The following COL23A1 variants were observed in gnomAD, a reference collection of about 807,000 sequenced individuals.
COL23A1 encodes the protein collagen alpha-1(XXIII) chain.
COL23A1 carries 97 observed loss-of-function variants against 99.3 expected under a neutral mutation model. The ratio of observed to expected loss-of-function variants is 0.98; its 90% CI spans 0.83 to 1.16. The LOEUF is 1.16. COL23A1 is among the 50% of genes most tolerant of loss of function. The probability of loss-of-function intolerance (pLI) is 0.00; values close to 1 mark genes in which losing one functional copy is unlikely to be tolerated. For synonymous variants in COL23A1, 320 were observed against 308.2 expected (o/e 1.04, Z -0.40); for missense variants, 762 against 757.4 (o/e 1.01, Z -0.07).
chr5:178,447,109 T>C (rs923035387), intron 2 of COL23A1, among the ~76,000 whole-genome samples: 4 of 149,186 alleles, frequency 2.7e-5, no homozygotes, highest in Admixed American at 6.6e-5. Flanking sequence ...TTTTTTTTTT[T>C]CTGAGATGGA....
intron 2 of COL23A1, among the ~76,000 whole-genome samples, chr5:178,427,807 G>T (rs548732509): frequency 1.4e-4 from 21 of 152,276 alleles, no homozygotes; most frequent in African/African-American, 4.6e-4. Flanking sequence ...CTGGGGGAGG[G>T]AGGGATGAAT....
chr5:178,268,904 G>T, intron 6 of COL23A1, 148 bp from the exon 7 acceptor site: 1 of 718,688 alleles, frequency 1.4e-6, no homozygotes, highest in East Asian at 2.9e-5. Context: ...AGCCCTCAAT[G>T]AGAGCTGCCC....
rs142236898 is a variant in COL23A1, at chr5:178,366,574, C to T, written c.362-59655G>A. On this transcript the variant is annotated intron_variant, in intron 2 of 28. Transcript: ENST00000390654. This position sits in a 1 kb window ranked among gnomAD's most constrained non-coding sequence, Gnocchi z 4.4. ...GAGTGCTTTCAGATCACCCGCCCTG[C>T]GAAAATGTGTCGGTGATCACTGTGA... Among the ~76,000 whole-genome samples, 147 of 152,286 alleles carry T rather than the reference C, an allele frequency of 9.7e-4. No individual in the cohort carries two copies. Among genetic ancestry groups the T allele is most frequent in the African/African-American group, 3.4e-3 (140 of 41,564 alleles).
intron 2 of COL23A1, among the ~76,000 whole-genome samples, chr5:178,552,649 C>G (rs1762056090): frequency 6.7e-6 from 1 of 150,358 alleles, no homozygotes; most frequent in African/African-American, 2.4e-5. Context: ...CTTTTGAAAG[C>G]AGGAGTTCGA....
chr5:178,407,107 A>T (rs193124072), intron 2 of COL23A1, among the ~76,000 whole-genome samples: 1 of 152,352 alleles, frequency 6.6e-6, no homozygotes, highest in African/African-American at 2.4e-5. Flanking sequence ...TAACTCAGAA[A>T]CACCCACAGT....
chr5:178,364,321 A>G (rs1352522191), intron 2 of COL23A1, among the ~76,000 whole-genome samples: 1 of 144,842 alleles, frequency 6.9e-6, no homozygotes, highest in Non-Finnish European at 1.5e-5. Flanking sequence ...CTTCCTCCTG[A>G]TATCTGCTTG....
At chr5:178,448,854 A>T (rs1433649218) in intron 2 of COL23A1, among the ~76,000 whole-genome samples, 1 of 151,996 alleles carries the variant, frequency 6.6e-6, no homozygotes, top group African/African-American at 2.4e-5. Flanking sequence ...AGAAACACTG[A>T]ATCTGCTTGC....
At chr5:178,383,352 C>G (rs1202879469) in intron 2 of COL23A1, among the ~76,000 whole-genome samples, 1 of 152,222 alleles carries the variant, frequency 6.6e-6, no homozygotes, top group Non-Finnish European at 1.5e-5. Flanking sequence ...GACAAGGGCC[C>G]AGCCCTGACC....
Position 178,560,683 on chromosome 5 carries a change from TG to T in COL23A1, c.359del (p.Pro120GlnfsTer189). ...GAAGGGAGCTCAACCTTCACTTACC[TG>T]GGGGGCAGACACATTCGGATGGAGC... ...REAPSECVCP[P>X]GPPGRRGKPG... On this transcript the variant is annotated frameshift_variant and splice_region_variant, in exon 2 of 29. Coordinates refer to ENST00000390654, the MANE Select transcript of COL23A1 (RefSeq NM_173465.4). LOFTEE classifies it high-confidence loss of function. The T allele has an allele frequency of 6.2e-7, 1 of 1,610,870 alleles. No individual in the cohort carries two copies. Among genetic ancestry groups the T allele is most frequent in the South Asian group, 1.1e-5 (1 of 90,562 alleles).
intron 3 of COL23A1, 54 bp from the exon 4 acceptor site, chr5:178,290,423 GCCTGTCCTCAGCACGGTCCCCTCA>G (rs374046467): frequency 1.8e-5 from 29 of 1,612,504 alleles, no homozygotes; most frequent in African/African-American, 6.7e-5. Flanking sequence ...GAGTCCCCTC[GCCTGTCCTCAGCACGGTCCCCTCA>G]CCTGTCCTCA....
intron 3 of COL23A1, among the ~76,000 whole-genome samples, chr5:178,296,622 G>A (rs1003486061): frequency 6.6e-6 from 1 of 151,850 alleles, no homozygotes; most frequent in African/African-American, 2.4e-5. Context: ...AGAGGTCCCC[G>A]GGAGGGTGTG....
At chr5:178,372,912 TTC>T (rs1762874695) in intron 2 of COL23A1, among the ~76,000 whole-genome samples, 1 of 59,592 alleles carries the variant, frequency 1.7e-5, no homozygotes, top group African/African-American at 1.2e-4. Flanking sequence ...TTCTTTTTCT[TTC>T]TTTCTCTTTT....
chr5:178,324,020 G>A (rs756005295), intron 2 of COL23A1, among the ~76,000 whole-genome samples: 1 of 152,122 alleles, frequency 6.6e-6, no homozygotes, highest in Non-Finnish European at 1.5e-5. Flanking sequence ...ACGGCCTGGG[G>A]TCTCTCCATC....
At chr5:178,276,999 C>A (rs73342827) in intron 5 of COL23A1, among the ~76,000 whole-genome samples, 1,767 of 152,302 alleles carry the variant, frequency 0.012, 35 homozygotes, top group African/African-American at 0.041. Context: ...CTCTGTGCTG[C>A]TCATCTGTAG....
chr5:178,504,642 G>A (rs1758762659), intron 2 of COL23A1, among the ~76,000 whole-genome samples: 1 of 152,172 alleles, frequency 6.6e-6, no homozygotes, highest in Non-Finnish European at 1.5e-5. Flanking sequence ...AGGTCCTAGA[G>A]CAAAGGTCAG....
chr5:178,334,225 T>C (rs1760195764), intron 2 of COL23A1, among the ~76,000 whole-genome samples: 2 of 152,192 alleles, frequency 1.3e-5, no homozygotes, highest in African/African-American at 2.4e-5. Flanking sequence ...CTCACGTTTA[T>C]TAAACTCCCA....
At position 178,434,598 on chromosome 5, in the gene COL23A1, GGGC is replaced by G. The variant is rs1457834856; in HGVS notation, c.361+126081_361+126083del. Among the ~76,000 whole-genome samples the G allele has an allele frequency of 5.3e-5, 8 of 152,348 alleles. No individual in the cohort carries two copies. In the South Asian group the frequency reaches 1.2e-3, roughly 24 times the overall value. ...TGGCGCTCTTCCTGGGACCCCAGCTGGGCGCCTGGCCTTGCATCCCAGGTGGGT... is the reference window on the plus strand; with the variant it reads ...TGGCGCTCTTCCTGGGACCCCAGCTGGCCTGGCCTTGCATCCCAGGTGGGT... On this transcript the variant is annotated intron_variant, in intron 2 of 28. Transcript: ENST00000390654. This position sits in a 1 kb window ranked among gnomAD's most constrained non-coding sequence, Gnocchi z 4.3.
intron 2 of COL23A1, among the ~76,000 whole-genome samples, chr5:178,355,299 TAAAC>T (rs1761576075): frequency 6.6e-6 from 1 of 151,980 alleles, no homozygotes; most frequent in Admixed American, 6.6e-5. Context: ...ATAAAATAAA[TAAAC>T]AAGCATTTTA....
chr5:178,270,479 G>T, intron 5 of COL23A1, 116 bp from the exon 6 acceptor site: 1 of 1,276,836 alleles, frequency 7.8e-7, no homozygotes, highest in Middle Eastern at 1.8e-4. Flanking sequence ...GGAGCCCCGC[G>T]TCTGGGTTCA....
Sources: gnomAD v4.1 joint callset for allele counts (sites outside exome capture counted in the v4.1 genomes callset) on GRCh38, gnomAD v4.1.1 for gene constraint, Gnocchi (gnomAD v3.1) non-coding constraint, MANE v1.5 for transcripts, NCBI Gene and HGNC (gene_info 2026-07-23, HGNC 2026-07-21) for gene names.